PIK3CB: variants seen among roughly 807,000 people sequenced by gnomAD.
PIK3CB encodes the protein phosphatidylinositol-4,5-bisphosphate 3-kinase catalytic subunit beta.
PIK3CB carries 39 observed loss-of-function variants against 136.8 expected under a neutral mutation model. The ratio of observed to expected loss-of-function variants is 0.29; its 90% CI spans 0.22 to 0.37. The LOEUF is 0.37. Among genes scored for constraint, PIK3CB ranks in the 10% least tolerant of loss-of-function variants. The probability of loss-of-function intolerance (pLI) is 1.00; values close to 1 mark genes in which losing one functional copy is unlikely to be tolerated. For missense variants in PIK3CB, 868 were observed against 1,275.4 expected (o/e 0.68, Z 4.87); for synonymous variants, 428 against 436.6 (o/e 0.98, Z 0.25).
intron 8 of PIK3CB, among the ~76,000 whole-genome samples, chr3:138,723,102 AAAG>A (rs1334286594): frequency 4.6e-5 from 7 of 152,156 alleles, no homozygotes; most frequent in Non-Finnish European, 7.3e-5. Context: ...AAGCATAAAA[AAAG>A]AAGTTTTTGT....
At chr3:138,779,382 G>A (rs1233223919) in intron 2 of PIK3CB, among the ~76,000 whole-genome samples, 3 of 134,980 alleles carry the variant, frequency 2.2e-5, no homozygotes, top group East Asian at 2.4e-4. Context: ...CACCACGCCC[G>A]GCCTTCTTTT....
chr3:138,656,339 G>A (rs555722292), intron 22 of PIK3CB, 65 bp from the exon 23 acceptor site: 26 of 1,522,612 alleles, frequency 1.7e-5, no homozygotes, highest in Non-Finnish European at 1.9e-5. Context: ...TTTCATACAG[G>A]AAATTAAGAA....
Position 138,701,853 on chromosome 3 carries a change from A to G in PIK3CB, c.1581+2590T>C, listed in dbSNP as rs369158937. Reference sequence around the variant, plus strand: ...GTAATTAATGCTATGGAATGTTAGAAAGGTATTTTTTAAAAAGTAGACCTA... The same window carrying G: ...GTAATTAATGCTATGGAATGTTAGAGAGGTATTTTTTAAAAAGTAGACCTA... On this transcript the variant is annotated intron_variant, in intron 12 of 23. Coordinates refer to ENST00000674063, the MANE Select transcript of PIK3CB (RefSeq NM_006219.3). 3.3e-5 allele frequency among the ~76,000 whole-genome samples: 5 copies of G among 151,038 alleles called. No individual in the cohort carries two copies. In the East Asian group the frequency reaches 7.7e-4, roughly 23 times the overall value.
intron 10 of PIK3CB, among the ~76,000 whole-genome samples, chr3:138,709,073 A>G (rs1237265720): frequency 2.0e-5 from 3 of 149,930 alleles, no homozygotes; most frequent in Non-Finnish European, 4.4e-5. Flanking sequence ...GTGAACCACC[A>G]TATGTGGCAA....
intron 1 of PIK3CB, among the ~76,000 whole-genome samples, chr3:138,808,844 A>G (rs1273506696): frequency 6.6e-6 from 1 of 151,772 alleles, no homozygotes; most frequent in Non-Finnish European, 1.5e-5. Flanking sequence ...TATAACATAT[A>G]CTAATACATT....
At chr3:138,695,525 C>T (rs1390415542) in intron 13 of PIK3CB, among the ~76,000 whole-genome samples, 1 of 152,062 alleles carries the variant, frequency 6.6e-6, no homozygotes, top group Admixed American at 6.5e-5. Context: ...ATAATTATGG[C>T]AAGCCCTCCC....
At chr3:138,754,533 T>C (rs2045530047) in intron 4 of PIK3CB, among the ~76,000 whole-genome samples, 1 of 152,194 alleles carries the variant, frequency 6.6e-6, no homozygotes. Context: ...TAATAATGCT[T>C]TCTAATTATA....
Position 138,759,165 on chromosome 3 carries a change from T to C in PIK3CB, c.171+8A>G. On this transcript the variant is annotated splice_region_variant and intron_variant, in intron 3 of 23. Coordinates refer to ENST00000674063, the MANE Select transcript of PIK3CB (RefSeq NM_006219.3). ...CTAAACACATAGAAATTATACCTAT[T>C]AACATACCTGCTTAATATAAGAAAT... 6.3e-7 allele frequency: 1 copy of C among 1,583,782 alleles called. No individual in the cohort carries two copies. Among genetic ancestry groups the C allele is most frequent in the South Asian group, 1.1e-5 (1 of 89,132 alleles).
Position 138,657,851 on chromosome 3 carries a change from G to A in PIK3CB, c.2797-16C>T, listed in dbSNP as rs767778306. The A allele has an allele frequency of 3.7e-6, 6 of 1,600,468 alleles. No individual in the cohort carries two copies. In the African/African-American group the frequency reaches 6.8e-5, roughly 18 times the overall value. On this transcript the variant is annotated splice_polypyrimidine_tract_variant and intron_variant, in intron 21 of 23. Transcript: ENST00000674063. ...TGTGGAAGAGCTGGAAAACAAATGG[G>A]ATTTAATTTCCTTCATTTTTCTGGT...
chr3:138,699,214 A>C, intron 12 of PIK3CB, 119 bp from the exon 13 acceptor site: 1 of 289,730 alleles, frequency 3.5e-6, no homozygotes, highest in Non-Finnish European at 5.8e-6. Flanking sequence ...ATACAAAAAT[A>C]TAATTCCATA....
intron 8 of PIK3CB, among the ~76,000 whole-genome samples, chr3:138,724,706 G>C (rs1403500126): frequency 1.3e-5 from 2 of 152,080 alleles, no homozygotes; most frequent in Non-Finnish European, 2.9e-5. Context: ...AAGCTCTTTT[G>C]TCAGGACACT....
At chr3:138,681,354 T>C (rs945867071) in intron 19 of PIK3CB, among the ~76,000 whole-genome samples, 8 of 152,196 alleles carry the variant, frequency 5.3e-5, no homozygotes, top group African/African-American at 1.9e-4. Flanking sequence ...TAGTTTGTTT[T>C]TATACTTTTT....
At chr3:138,826,698 C>T (rs1416127868) in intron 1 of PIK3CB, among the ~76,000 whole-genome samples, 1 of 151,868 alleles carries the variant, frequency 6.6e-6, no homozygotes, top group Non-Finnish European at 1.5e-5. Context: ...CACATACATT[C>T]TTACAACACA....
chr3:138,830,688 A>G (rs2108934227), intron 1 of PIK3CB, among the ~76,000 whole-genome samples: 1 of 151,914 alleles, frequency 6.6e-6, no homozygotes, highest in African/African-American at 2.4e-5. Context: ...TCACGAGGTC[A>G]GGAGATCGAG....
intron 2 of PIK3CB, among the ~76,000 whole-genome samples, chr3:138,767,617 T>C (rs2045749433): frequency 6.6e-6 from 1 of 152,226 alleles, no homozygotes; most frequent in African/African-American, 2.4e-5. Flanking sequence ...CAAGGGAGAC[T>C]GTGTGAAGCA....
At chr3:138,743,456 C>T (rs1576378103) in intron 4 of PIK3CB, among the ~76,000 whole-genome samples, 1 of 152,038 alleles carries the variant, frequency 6.6e-6, no homozygotes, top group African/African-American at 2.4e-5. Flanking sequence ...GTCAAAAATC[C>T]CATAAACATA....
intron 19 of PIK3CB, among the ~76,000 whole-genome samples, chr3:138,677,974 T>C (rs1329131971): frequency 6.6e-6 from 1 of 152,118 alleles, no homozygotes; most frequent in Non-Finnish European, 1.5e-5. Context: ...ATATAGTATA[T>C]AAAGATTCTA....
At chr3:138,759,437 C>A in intron 2 of PIK3CB, 78 bp from the exon 3 acceptor site, 1 of 873,896 alleles carries the variant, frequency 1.1e-6, no homozygotes, top group African/African-American at 1.7e-5. Context: ...GACCACTAAT[C>A]TACAATTAGT....
intron 1 of PIK3CB, among the ~76,000 whole-genome samples, chr3:138,830,138 G>C (rs569962411): frequency 6.6e-5 from 10 of 152,274 alleles, no homozygotes; most frequent in Non-Finnish European, 1.3e-4. Context: ...GTCAAAGAGA[G>C]TGAAGAGGAG....
Sources: allele counts gnomAD v4.1 joint callset (sites outside exome capture counted in the v4.1 genomes callset), GRCh38; gene constraint gnomAD v4.1.1; transcripts MANE v1.5; gene names NCBI Gene and HGNC (gene_info 2026-07-23, HGNC 2026-07-21).